CSTF1: variants seen among roughly 807,000 people sequenced by gnomAD.
CSTF1 encodes CF-1 50 kDa subunit.
Under a neutral mutation model 40.9 loss-of-function variants are expected in CSTF1, and 2 were observed. The observed-to-expected ratio is 0.05, with a 90% CI of 0.02 to 0.15. CSTF1 has a LOEUF of 0.15. Among genes scored for constraint, CSTF1 ranks in the 10% least tolerant of loss-of-function variants. The probability of loss-of-function intolerance (pLI) is 1.00; values close to 1 mark genes in which losing one functional copy is unlikely to be tolerated. For synonymous variants in CSTF1, 218 were observed against 207.2 expected (o/e 1.05, Z -0.45); for missense variants, 279 against 558.9 (o/e 0.50, Z 5.05).
In CSTF1 at chr20:56,397,048, A is replaced by C; in HGVS notation, c.170-159A>C. On this transcript the variant is annotated intron_variant, in intron 2 of 5. Coordinates refer to ENST00000217109, the MANE Select transcript of CSTF1 (RefSeq NM_001324.3). The surrounding 1 kb of genome is among the most constrained non-coding windows in gnomAD (Gnocchi z 4.4). The stretch of plus-strand genomic sequence containing the variant: ...GTGGTGAACTTTGAATAGCATGGGC[A>C]AAATACACAGTTTTGTAAAGTGTTA... 1.3e-6 allele frequency: 1 copy of C among 763,562 alleles called. No homozygotes were observed. 47.3% of individuals were successfully genotyped at this position (763,562 alleles called of 1,614,324 possible).
rs1449238020 is a variant in CSTF1, at chr20:56,406,208, A to G, written c.*2481A>G. ...TGAGCCTGGTGTAAATGCCAGGAAT[A>G]TTATATGGACTTAGTATCTGCATCT... On this transcript the variant is annotated 3_prime_UTR_variant, in exon 6 of 6. Coordinates refer to ENST00000217109, the MANE Select transcript of CSTF1 (RefSeq NM_001324.3). 1 of 152,018 alleles carries G rather than the reference A, an allele frequency of 6.6e-6. No individual in the cohort carries two copies. Among genetic ancestry groups the G allele is most frequent in the African/African-American group, 2.4e-5 (1 of 41,358 alleles). 9.4% of individuals were successfully genotyped at this position (152,018 alleles called of 1,614,324 possible). A position where few individuals can be genotyped will look rare whatever the true frequency, so the allele number is the denominator to read the frequency against.
chr20:56,402,932 TA>T (rs76350193), intron 5 of CSTF1, among the ~76,000 whole-genome samples: 7,921 of 119,346 alleles, frequency 0.066, 430 homozygotes, highest in African/African-American at 0.18. Flanking sequence ...AGACTCTGTC[TA>T]AAAAAAAAAA....
intron 5 of CSTF1, among the ~76,000 whole-genome samples, chr20:56,401,434 G>A (rs1486832321): frequency 6.6e-6 from 1 of 152,212 alleles, no homozygotes; most frequent in Non-Finnish European, 1.5e-5. Flanking sequence ...ACTATTGATA[G>A]AGATTTCGGG....
chr20:56,398,679 T>G (rs1600730245), intron 4 of CSTF1, among the ~76,000 whole-genome samples: 2 of 152,250 alleles, frequency 1.3e-5, no homozygotes, highest in Non-Finnish European at 2.9e-5. Flanking sequence ...CATGAATGTG[T>G]CATTGTCTGA....
intron 1 of CSTF1, among the ~76,000 whole-genome samples, chr20:56,393,146 A>G (rs1328371510): frequency 3.1e-5 from 2 of 65,182 alleles, no homozygotes; most frequent in Admixed American, 3.8e-4. Context: ...ACACACACAC[A>G]TATACATATA....
intron 5 of CSTF1, among the ~76,000 whole-genome samples, 159 bp from the exon 6 acceptor site, chr20:56,403,309 C>G (rs1170706744): frequency 6.6e-6 from 1 of 151,998 alleles, no homozygotes; most frequent in Admixed American, 6.6e-5. Flanking sequence ...AGCCACTGTG[C>G]CTGGTTTGAT....
rs1978680496 is a variant in CSTF1, at chr20:56,405,751, G to A, written c.*2024G>A. On this transcript the variant is annotated 3_prime_UTR_variant, in exon 6 of 6. Coordinates refer to ENST00000217109, the MANE Select transcript of CSTF1 (RefSeq NM_001324.3). ...TGATATTTGAACTTGGCCATCTGTG[G>A]GTGCTACTCTCGTAAGACTAAAAGG... 6.6e-6 allele frequency: 1 copy of A among 152,086 alleles called. No homozygotes were observed. The highest frequency in any genetic ancestry group is 2.4e-5 in the African/African-American group (1 of 41,412). 9.4% of individuals were successfully genotyped at this position (152,086 alleles called of 1,614,324 possible). A position where few individuals can be genotyped will look rare whatever the true frequency, so the allele number is the denominator to read the frequency against.
chr20:56,398,552 C>A (rs1400104450), intron 4 of CSTF1, among the ~76,000 whole-genome samples: 1 of 152,214 alleles, frequency 6.6e-6, no homozygotes, highest in African/African-American at 2.4e-5. Flanking sequence ...GCCTGGGCGA[C>A]AGAGCAAGAC....
At chr20:56,395,002 A>G (rs1987476313) in intron 1 of CSTF1, among the ~76,000 whole-genome samples, 1 of 152,176 alleles carries the variant, frequency 6.6e-6, no homozygotes, top group South Asian at 2.1e-4. Flanking sequence ...TAATTAGATT[A>G]TATAATTACA....
chr20:56,395,488 G>A (rs1987490996), intron 1 of CSTF1, 33 bp from the exon 2 acceptor site: 37 of 1,451,458 alleles, frequency 2.5e-5, no homozygotes, highest in Admixed American at 7.3e-5. Flanking sequence ...ACTAGAGCCT[G>A]TACCCTTCAC....
chr20:56,400,253 C>T (rs147303438), intron 5 of CSTF1, among the ~76,000 whole-genome samples: 29 of 152,228 alleles, frequency 1.9e-4, no homozygotes, highest in Admixed American at 1.2e-3. Flanking sequence ...TCATTGTAAC[C>T]AAAGTTCCCT....
Position 56,395,523 on chromosome 20 carries a change from G to A in CSTF1, c.-30G>A, listed in dbSNP as rs1326005792. ...CCGTCCATTTTCCGTTTTTGCAGCT[G>A]GCAGGGAAACTGTCTTCCTTTTCTC... On this transcript the variant is annotated splice_region_variant and 5_prime_UTR_variant, in exon 2 of 6. Coordinates refer to ENST00000217109, the MANE Select transcript of CSTF1 (RefSeq NM_001324.3). 6.3e-7 allele frequency: 1 copy of A among 1,597,656 alleles called. No individual in the cohort carries two copies. The highest frequency in any genetic ancestry group is 2.2e-5 in the East Asian group (1 of 44,650).
At chr20:56,398,112 A>G (rs530332106) in intron 4 of CSTF1, among the ~76,000 whole-genome samples, 2 of 152,350 alleles carry the variant, frequency 1.3e-5, no homozygotes, top group African/African-American at 4.8e-5. Flanking sequence ...GATCCCTGTT[A>G]TAAACAAAAC....
chr20:56,393,329 G>A lies in CSTF1; in HGVS notation c.-33+616G>A, dbSNP rs1600726476. On this transcript the variant is annotated intron_variant, in intron 1 of 5. Transcript: ENST00000217109. ...TAAATTCACATAAGACGAATTAACAGATTACTGCAGGGTAAACAGGATGTG... is the reference window on the plus strand; with the variant it reads ...TAAATTCACATAAGACGAATTAACAAATTACTGCAGGGTAAACAGGATGTG... Among the ~76,000 whole-genome samples, 3 of 152,008 alleles carry A rather than the reference G, an allele frequency of 2.0e-5. No homozygotes were observed. The South Asian group carries it at 6.2e-4, about 32-fold the overall frequency.
At position 56,404,945 on chromosome 20, in the gene CSTF1, G is replaced by T. The variant is rs565960052; in HGVS notation, c.*1218G>T. Reference sequence around the variant, plus strand: ...CTCCCAAAGTTTTGGGATTACAGGCGTGAGCCACCGCGCCCAGCCTTCCTG... The same window carrying T: ...CTCCCAAAGTTTTGGGATTACAGGCTTGAGCCACCGCGCCCAGCCTTCCTG... On this transcript the variant is annotated 3_prime_UTR_variant, in exon 6 of 6. Coordinates refer to ENST00000217109, the MANE Select transcript of CSTF1 (RefSeq NM_001324.3). The T allele has an allele frequency of 6.6e-6, 1 of 150,698 alleles. No individual in the cohort carries two copies. Among genetic ancestry groups the T allele is most frequent in the Non-Finnish European group, 1.5e-5 (1 of 67,946 alleles). 9.3% of individuals were successfully genotyped at this position (150,698 alleles called of 1,614,324 possible).
rs887639174 is a variant in CSTF1 at position 56,403,869 on chromosome 20, G to T, written c.*142G>T. Reference sequence around the variant, plus strand: ...ACATTCTTCTTGGATTTGTATAAAAGAATCTTTTTTTACCTTGATGTAGAA... The same window carrying T: ...ACATTCTTCTTGGATTTGTATAAAATAATCTTTTTTTACCTTGATGTAGAA... On this transcript the variant is annotated 3_prime_UTR_variant, in exon 6 of 6. Transcript: ENST00000217109. 4 of 892,436 alleles carry T rather than the reference G, an allele frequency of 4.5e-6. No homozygotes were observed. In the African/African-American group the frequency reaches 5.0e-5, roughly 11 times the overall value. 55.3% of individuals were successfully genotyped at this position (892,436 alleles called of 1,614,324 possible).
Position 56,395,687 on chromosome 20 carries a change from A to C in CSTF1, c.135A>C (p.Ala45=), listed in dbSNP as rs1486264747. ...INEIKPQSVC[A]PSEQLLHLIK... is the part of the protein sequence containing the mutation. ...AAATCAAGCCTCAGTCTGTGTGTGC[A>C]CCCTCGGAGCAGCTCCTGCATCTCA... The change falls in exon 2 of 6, where the codon GCA becomes GCC. Residue 45 remains alanine, a synonymous_variant. Transcript: ENST00000217109. 3 of 1,614,118 alleles carry C rather than the reference A, an allele frequency of 1.9e-6. No individual in the cohort carries two copies.
rs997986630 is a variant in CSTF1 at position 56,406,153 on chromosome 20, T to C, written c.*2426T>C. The C allele has an allele frequency of 6.6e-6, 1 of 152,116 alleles. No homozygotes were observed. The highest frequency in any genetic ancestry group is 1.5e-5 in the Non-Finnish European group (1 of 68,018). The allele number at this position is 152,116 out of a possible 1,614,324, so 9.4% of individuals were successfully genotyped here. ...GTTTGTTTGGTTGGTTGGTTTTTGG[T>C]TTTTTTGCTTTTTAAAGGTCACAGT... On this transcript the variant is annotated 3_prime_UTR_variant, in exon 6 of 6. Coordinates refer to ENST00000217109, the MANE Select transcript of CSTF1 (RefSeq NM_001324.3).
At position 56,403,799 on chromosome 20, in the gene CSTF1, G is replaced by C. The variant is rs1409358190; in HGVS notation, c.*72G>C. ...CCCACGTCCTGTCTCAGCTGCAGTC[G>C]TAAGTCCGTGCACCATCCTTGACGT... On this transcript the variant is annotated 3_prime_UTR_variant, in exon 6 of 6. Transcript: ENST00000217109. 1.4e-6 allele frequency: 2 copies of C among 1,476,532 alleles called. No individual in the cohort carries two copies. Among genetic ancestry groups the C allele is most frequent in the African/African-American group, 1.4e-5 (1 of 72,358 alleles). 91.5% of individuals were successfully genotyped at this position (1,476,532 alleles called of 1,614,324 possible).
Sources: allele counts gnomAD v4.1 joint callset (sites outside exome capture counted in the v4.1 genomes callset), GRCh38; gene constraint gnomAD v4.1.1; non-coding constraint Gnocchi (gnomAD v3.1); transcripts MANE v1.5; gene names NCBI Gene and HGNC (gene_info 2026-07-23, HGNC 2026-07-21).